The following NRG3 variants were observed in gnomAD, a reference collection of about 807,000 sequenced individuals.
NRG3 encodes pro-neuregulin-3, membrane-bound isoform.
A neutral mutation model predicts 66.9 loss-of-function variants in NRG3; 31 were observed. The observed-to-expected ratio is 0.46, with a 90% CI of 0.35 to 0.63. NRG3 has a LOEUF of 0.63. Among genes scored for constraint, NRG3 ranks in the 20% least tolerant of loss-of-function variants. The pLI is 0.00. For synonymous variants in NRG3, 393 were observed against 359.4 expected, an observed-to-expected ratio of 1.09 and a Z score of -1.06; for missense variants, 910 against 878.9, an observed-to-expected ratio of 1.04 and a Z score of -0.45.
At chr10:82,335,869 A>T (rs73314418) in intron 1 of NRG3, among the ~76,000 whole-genome samples, 17,875 of 152,136 alleles carry the variant, frequency 0.12, 1,859 homozygotes, top group African/African-American at 0.27. Context: ...TCAAATATAT[A>T]ATCTGTGAGA....
intron 3 of NRG3, among the ~76,000 whole-genome samples, chr10:82,769,384 C>G: frequency 6.6e-6 from 1 of 152,040 alleles, no homozygotes; most frequent in South Asian, 2.1e-4. Flanking sequence ...AATCATTTAC[C>G]TTAAATTGAA....
At chr10:82,862,299 A>G (rs1219869412) in intron 3 of NRG3, among the ~76,000 whole-genome samples, 1 of 152,210 alleles carries the variant, frequency 6.6e-6, no homozygotes, top group African/African-American at 2.4e-5. Context: ...ACAAGAAACT[A>G]TTAGCTACAA....
intron 3 of NRG3, among the ~76,000 whole-genome samples, chr10:82,776,907 A>G (rs902654687): frequency 1.3e-5 from 2 of 151,956 alleles, no homozygotes; most frequent in African/African-American, 4.8e-5. Context: ...ATCTTCAGGC[A>G]ATTTGTAATT....
chr10:82,461,215 T>C (rs960287298), intron 2 of NRG3, among the ~76,000 whole-genome samples: 3 of 145,002 alleles, frequency 2.1e-5, no homozygotes. Flanking sequence ...TTAACACCAT[T>C]ACCACCATCA....
chr10:82,706,666 G>A (rs2056309106), intron 2 of NRG3, among the ~76,000 whole-genome samples: 1 of 152,174 alleles, frequency 6.6e-6, no homozygotes, highest in African/African-American at 2.4e-5. Flanking sequence ...TATTATTTTT[G>A]AATATTTTAT....
At chr10:82,537,935 C>G (rs994838968) in intron 2 of NRG3, among the ~76,000 whole-genome samples, 5 of 151,952 alleles carry the variant, frequency 3.3e-5, no homozygotes, top group African/African-American at 4.8e-5. Flanking sequence ...GTGTTGCTGC[C>G]TCAGATTTGG....
chr10:82,008,310 C>G (rs545092986), intron 1 of NRG3, among the ~76,000 whole-genome samples: 1 of 151,976 alleles, frequency 6.6e-6, no homozygotes, highest in African/African-American at 2.4e-5. Flanking sequence ...AGTATGAGTT[C>G]GACAGGCAAA....
intron 2 of NRG3, among the ~76,000 whole-genome samples, chr10:82,505,373 A>G (rs1391295095): frequency 6.6e-6 from 1 of 152,164 alleles, no homozygotes; most frequent in African/African-American, 2.4e-5. Flanking sequence ...CATCCAGAGA[A>G]CCTGTAGCTA....
chr10:82,082,526 G>C (rs1421689421), intron 1 of NRG3, among the ~76,000 whole-genome samples: 1 of 152,160 alleles, frequency 6.6e-6, no homozygotes, highest in East Asian at 1.9e-4. Context: ...TGTCTGTGGG[G>C]CTGGCAGAAA....
intron 1 of NRG3, among the ~76,000 whole-genome samples, chr10:82,187,624 A>T (rs2073884423): frequency 6.6e-6 from 1 of 152,116 alleles, no homozygotes; most frequent in Admixed American, 6.6e-5. Flanking sequence ...GAAGAGGTTG[A>T]GAGAGGCTTC....
At chr10:82,198,865 C>CGG (rs2074597712) in intron 1 of NRG3, among the ~76,000 whole-genome samples, 6 of 151,864 alleles carry the variant, frequency 4.0e-5, no homozygotes, top group Non-Finnish European at 8.8e-5. Context: ...GGTGTGGTGG[C>CGG]ACACATCTGT....
intron 3 of NRG3, among the ~76,000 whole-genome samples, chr10:82,780,774 G>A (rs1366078278): frequency 1.3e-5 from 2 of 152,068 alleles, no homozygotes; most frequent in Non-Finnish European, 2.9e-5. Flanking sequence ...CACCAGTGAG[G>A]ACCAAAAGTG....
intron 2 of NRG3, among the ~76,000 whole-genome samples, chr10:82,605,383 A>G (rs1170710229): frequency 6.6e-6 from 1 of 152,046 alleles, no homozygotes; most frequent in African/African-American, 2.4e-5. Context: ...GATTACATTA[A>G]CAGATTTTCA....
chr10:82,664,652 G>A (rs1379811658), intron 2 of NRG3, among the ~76,000 whole-genome samples: 1 of 151,876 alleles, frequency 6.6e-6, no homozygotes, highest in Non-Finnish European at 1.5e-5. Context: ...TCTTCAGGGG[G>A]GTCCATGAAC....
chr10:82,610,843 A>G (rs950511804), intron 2 of NRG3, among the ~76,000 whole-genome samples: 6 of 152,352 alleles, frequency 3.9e-5, no homozygotes, highest in African/African-American at 1.2e-4. Context: ...GCTTTACTCT[A>G]AACTGAGATA....
intron 1 of NRG3, among the ~76,000 whole-genome samples, chr10:82,353,260 G>A (rs73314451): frequency 0.11 from 16,922 of 152,154 alleles, 1,639 homozygotes; most frequent in East Asian, 0.26. Context: ...GTGCTGCATT[G>A]TGCCAGCAAC....
At chr10:82,470,992 T>G (rs1377157380) in intron 2 of NRG3, among the ~76,000 whole-genome samples, 1 of 152,098 alleles carries the variant, frequency 6.6e-6, no homozygotes, top group Non-Finnish European at 1.5e-5. Flanking sequence ...TTTTTGATGG[T>G]CCCTGCACCT....
At chr10:82,791,783 A>G (rs2060598853) in intron 3 of NRG3, among the ~76,000 whole-genome samples, 1 of 152,206 alleles carries the variant, frequency 6.6e-6, no homozygotes, top group Admixed American at 6.6e-5. Context: ...GCCACGTTAA[A>G]CAATTGCTGC....
intron 1 of NRG3, among the ~76,000 whole-genome samples, chr10:82,109,156 AACTT>A (rs2067230460): frequency 6.6e-6 from 1 of 152,200 alleles, no homozygotes; most frequent in African/African-American, 2.4e-5. Context: ...TGATGTGGTC[AACTT>A]ATTTCCTGAT....
Sources: allele counts gnomAD v4.1 joint callset (sites outside exome capture counted in the v4.1 genomes callset), GRCh38; gene constraint gnomAD v4.1.1; transcripts MANE v1.5; gene names NCBI Gene and HGNC (gene_info 2026-07-23, HGNC 2026-07-21).